The following CFAP100 variants were observed in gnomAD, a reference collection of about 807,000 sequenced individuals.
CFAP100 encodes the protein cilia- and flagella-associated protein 100.
Under a neutral mutation model 81.5 loss-of-function variants are expected in CFAP100, and 70 were observed. The observed-to-expected ratio is 0.86, with a 90% CI of 0.71 to 1.05. The LOEUF is 1.05. Ranked by LOEUF, CFAP100 falls within the 50% of genes least tolerant of loss-of-function variation. The pLI is 0.00. For missense variants in CFAP100, 811 were observed against 776.5 expected, an observed-to-expected ratio of 1.04 and a Z score of -0.53; for synonymous variants, 341 against 314.8, an observed-to-expected ratio of 1.08 and a Z score of -0.88.
At position 126,423,483 on chromosome 3, in the gene CFAP100, T is replaced by G. The variant is rs1414525090; in HGVS notation, c.1135-10T>G. On this transcript the variant is annotated splice_polypyrimidine_tract_variant and intron_variant, in intron 12 of 16. Coordinates refer to ENST00000352312, the MANE Select transcript of CFAP100 (RefSeq NM_182628.3). ...CCTGTCCAGTCCCTGCCAAAACCTG[T>G]GGGTTGCAGGAACCACAGCTGTACT... is the stretch of plus-strand genomic sequence containing the variant. The G allele has an allele frequency of 6.2e-7, 1 of 1,613,922 alleles. No individual in the cohort carries two copies. The highest frequency in any genetic ancestry group is 1.1e-5 in the South Asian group (1 of 91,054).
chr3:126,422,459 C>CCCT (rs1429560688), intron 11 of CFAP100, among the ~76,000 whole-genome samples: 2 of 150,686 alleles, frequency 1.3e-5, no homozygotes, highest in Non-Finnish European at 3.0e-5. Context: ...AAGCTTAGGT[C>CCCT]CCTGAGGTGC....
At chr3:126,400,511 C>T (rs562600120) in intron 2 of CFAP100, among the ~76,000 whole-genome samples, 18 of 152,152 alleles carry the variant, frequency 1.2e-4, no homozygotes, top group Non-Finnish European at 2.1e-4. Flanking sequence ...CCCAGCATTT[C>T]GGGAGGCCAA....
chr3:126,430,896 C>G (rs1933194384), intron 13 of CFAP100, among the ~76,000 whole-genome samples: 1 of 152,078 alleles, frequency 6.6e-6, no homozygotes, highest in South Asian at 2.1e-4. Flanking sequence ...CTTTTTCAGG[C>G]AGATTGTAGA....
chr3:126,404,431 A>G (rs2083031352), intron 2 of CFAP100, among the ~76,000 whole-genome samples: 1 of 152,334 alleles, frequency 6.6e-6, no homozygotes, highest in South Asian at 2.1e-4. Context: ...GCAGAATTTC[A>G]GCATCCTTCT....
intron 3 of CFAP100, among the ~76,000 whole-genome samples, chr3:126,410,224 G>A (rs1240349367): frequency 6.6e-6 from 1 of 152,156 alleles, no homozygotes; most frequent in Non-Finnish European, 1.5e-5. Context: ...CCTAAGTTTA[G>A]TGTAGCTCAG....
intron 1 of CFAP100, 40 bp from the exon 2 acceptor site, chr3:126,395,902 C>A: frequency 9.6e-7 from 1 of 1,046,552 alleles, no homozygotes; most frequent in Non-Finnish European, 1.5e-6. Context: ...AAGCTCTGGG[C>A]TTGGGGACCA....
chr3:126,436,549 T>C lies in CFAP100; in HGVS notation c.*145T>C. 1.6e-6 allele frequency: 1 copy of C among 623,458 alleles called. No homozygotes were observed. The highest frequency in any genetic ancestry group is 2.0e-5 in the South Asian group (1 of 50,646). 38.6% of individuals were successfully genotyped at this position (623,458 alleles called of 1,614,324 possible). ...TTCCTCACCTGAATAAATTCATGTC[T>C]CTCTGGAGTCTTGAAGGCCTGCTTA... On this transcript the variant is annotated 3_prime_UTR_variant, in exon 17 of 17. Transcript: ENST00000352312.
At chr3:126,428,914 C>G (rs988400269) in intron 13 of CFAP100, among the ~76,000 whole-genome samples, 3 of 151,910 alleles carry the variant, frequency 2.0e-5, no homozygotes, top group Non-Finnish European at 4.4e-5. Flanking sequence ...CGAGACCAGC[C>G]TGGCCAACAT....
Position 126,403,383 on chromosome 3 carries a change from CTT to C in CFAP100, c.50-3771_50-3770del, listed in dbSNP as rs10707460. Reference sequence around the variant, plus strand: ...GAGTGCCCAGTCGAGTGTATTTTATCTTTTTTTTTTTTTTTTTTTGAGACAGG... The same window carrying C: ...GAGTGCCCAGTCGAGTGTATTTTATCTTTTTTTTTTTTTTTTTGAGACAGG... On this transcript the variant is annotated intron_variant, in intron 2 of 16. Coordinates refer to ENST00000352312, the MANE Select transcript of CFAP100 (RefSeq NM_182628.3). Among the ~76,000 whole-genome samples, 854 of 117,556 alleles carry C rather than the reference CTT, an allele frequency of 7.3e-3. 4 individuals carry two copies. Among genetic ancestry groups the C allele is most frequent in the African/African-American group, 0.021 (664 of 31,018 alleles). The allele number at this position is 117,556 out of a possible 152,430, so 77.1% of individuals were successfully genotyped here.
chr3:126,418,832 G>T lies in CFAP100; in HGVS notation c.650+58G>T, dbSNP rs2083284107. On this transcript the variant is annotated intron_variant, in intron 7 of 16. Coordinates refer to ENST00000352312, the MANE Select transcript of CFAP100 (RefSeq NM_182628.3). ...AATGCCGAACCCCCACTGTCCCTGA[G>T]CCTGTGCACACCCACTTATCCAGCC... The T allele has an allele frequency of 2.0e-6, 3 of 1,505,476 alleles. No individual in the cohort carries two copies. The East Asian group carries it at 7.3e-5, about 37-fold the overall frequency. 93.3% of individuals were successfully genotyped at this position (1,505,476 alleles called of 1,614,324 possible).
Position 126,416,417 on chromosome 3 carries a change from G to A in CFAP100, c.327G>A (p.Glu109=), listed in dbSNP as rs375110270. 4 of 1,612,102 alleles carry A rather than the reference G, an allele frequency of 2.5e-6. No homozygotes were observed. The highest frequency in any genetic ancestry group is 2.2e-5 in the South Asian group (2 of 90,954). ...HTSLRRQLQL[E]DKQEDLEARA... is the part of the protein sequence containing the mutation. ...GCCTGCGGCGGCAGCTGCAGCTGGA[G>A]GACAAGCAGGAGGACCTGGAGGCGC... Residue 109 remains glutamate (E), a synonymous_variant, in exon 5 of 17, where the codon GAG becomes GAA. Transcript: ENST00000352312.
At chr3:126,397,543 G>A (rs951661754) in intron 2 of CFAP100, among the ~76,000 whole-genome samples, 3 of 152,266 alleles carry the variant, frequency 2.0e-5, no homozygotes, top group African/African-American at 7.2e-5. Context: ...ATGAGGGGGA[G>A]TGCCTAGTTG....
At chr3:126,416,219 G>C in intron 4 of CFAP100, 97 bp from the exon 5 acceptor site, 1 of 726,142 alleles carries the variant, frequency 1.4e-6, no homozygotes, top group Non-Finnish European at 2.0e-6. Flanking sequence ...GCGTCCTCGC[G>C]CGCAAACCCG....
chr3:126,405,810 C>G (rs2083054128), intron 2 of CFAP100, among the ~76,000 whole-genome samples: 1 of 151,982 alleles, frequency 6.6e-6, no homozygotes, highest in Non-Finnish European at 1.5e-5. Context: ...GTTTTAGAGA[C>G]AGGGTCTCAC....
intron 5 of CFAP100, 55 bp downstream of exon 5, chr3:126,416,563 C>T (rs1178000142): frequency 7.1e-7 from 1 of 1,416,234 alleles, no homozygotes; most frequent in Non-Finnish European, 9.5e-7. Context: ...ACAACCGCAG[C>T]TCAGGGGGCG....
chr3:126,436,234 T>A, intron 16 of CFAP100, 57 bp from the exon 17 acceptor site: 1 of 1,356,738 alleles, frequency 7.4e-7, no homozygotes, highest in Admixed American at 1.8e-5. Flanking sequence ...GGGGCAGGGG[T>A]ATATGGGCAT....
chr3:126,426,705 G>A (rs534767021), intron 13 of CFAP100, among the ~76,000 whole-genome samples: 163 of 152,254 alleles, frequency 1.1e-3, no homozygotes, highest in African/African-American at 3.7e-3. Flanking sequence ...AGCTGAGATC[G>A]CACCACTGCA....
Position 126,420,297 on chromosome 3 carries a change from T to G in CFAP100, c.1082+68T>G, listed in dbSNP as rs184648687. 3.1e-6 allele frequency: 5 copies of G among 1,590,072 alleles called. No individual in the cohort carries two copies. In the South Asian group the frequency reaches 4.5e-5, roughly 14 times the overall value. ...CGAGCCCTCCCTTGTGGCACCCATG[T>G]GTAGTCAGGTCTGAGTGCCACAGAA... is the stretch of plus-strand genomic sequence containing the variant. On this transcript the variant is annotated intron_variant, in intron 11 of 16. Transcript: ENST00000352312.
chr3:126,433,574 A>C, intron 14 of CFAP100: 1 of 227,404 alleles, frequency 4.4e-6, no homozygotes, highest in Admixed American at 5.2e-5. Flanking sequence ...GAGCAGCAGA[A>C]GCCAGGACCC....
Sources: gnomAD v4.1 joint callset for allele counts (sites outside exome capture counted in the v4.1 genomes callset) on GRCh38, gnomAD v4.1.1 for gene constraint, MANE v1.5 for transcripts, NCBI Gene and HGNC (gene_info 2026-07-23, HGNC 2026-07-21) for gene names.